PAPPA2: variants seen among roughly 807,000 people sequenced by gnomAD.
PAPPA2 encodes the protein pappalysin-2.
A neutral mutation model predicts 176.4 loss-of-function variants in PAPPA2; 86 were observed. The observed-to-expected ratio is 0.49, with a 90% confidence interval of 0.41 to 0.58. PAPPA2 has a LOEUF of 0.58. Among genes scored for constraint, PAPPA2 ranks in the 20% least tolerant of loss-of-function variants. The probability of loss-of-function intolerance (pLI) is 0.00; values close to 1 mark genes in which losing one functional copy is unlikely to be tolerated. For missense variants in PAPPA2, 2,073 were observed against 2,256.9 expected, an observed-to-expected ratio of 0.92 and a Z score of 1.65; for synonymous variants, 809 against 852.2, an observed-to-expected ratio of 0.95 and a Z score of 0.88.
At chr1:176,731,997 C>A (rs1029179805) in intron 12 of PAPPA2, among the ~76,000 whole-genome samples, 2 of 152,034 alleles carry the variant, frequency 1.3e-5, no homozygotes, top group Admixed American at 6.6e-5. Flanking sequence ...TTGGCTAAAT[C>A]TGGCAAAATA....
At chr1:176,503,746 T>C (rs955125096) in intron 1 of PAPPA2, among the ~76,000 whole-genome samples, 2 of 152,156 alleles carry the variant, frequency 1.3e-5, no homozygotes, top group African/African-American at 2.4e-5. Flanking sequence ...AGGCAGAGGA[T>C]TGGCTCTTGC....
At position 176,594,640 on chromosome 1, in the gene PAPPA2, C is replaced by T. The variant is rs542674982; in HGVS notation, c.1036C>T (p.Arg346Cys). The T allele has an allele frequency of 1.3e-5, 21 of 1,614,188 alleles. No individual in the cohort carries two copies. Among genetic ancestry groups the T allele is most frequent in the South Asian group, 2.2e-5 (2 of 91,074 alleles). Residue 346 changes from arginine (R) to cysteine (C), a missense_variant, in exon 3 of 23, where the codon CGC (arginine) becomes TGC (cysteine). Physicochemically the swap from Arg to Cys is radical, Grantham distance 180 (BLOSUM62 -3). This residue lies in a region of PAPPA2 where 1,196 missense variants were observed against 1,330.4 expected (regional missense o/e 0.90). Transcript: ENST00000367662. ...CTTCTTCTTCTCCCTCTGCACCGACCGCGTGAAGAAAGCCACCATCTTGAT... is the reference window on the plus strand; with the variant it reads ...CTTCTTCTTCTCCCTCTGCACCGACTGCGTGAAGAAAGCCACCATCTTGAT... ...ARFFFSLCTDRVKKATILISH... is the reference protein window; with the variant it reads ...ARFFFSLCTDCVKKATILISH...
intron 3 of PAPPA2, among the ~76,000 whole-genome samples, chr1:176,660,016 C>T (rs1246596675): frequency 6.6e-6 from 1 of 152,082 alleles, no homozygotes; most frequent in Non-Finnish European, 1.5e-5. Context: ...CCACCCCTGT[C>T]ATCTAGACTA....
chr1:176,584,378 C>CAA (rs1377149964), intron 2 of PAPPA2, among the ~76,000 whole-genome samples: 1 of 151,240 alleles, frequency 6.6e-6, no homozygotes, highest in Non-Finnish European at 1.5e-5. Context: ...ATTGATCCTG[C>CAA]TGTTATTATA....
chr1:176,668,380 G>A (rs1056955248), intron 3 of PAPPA2, among the ~76,000 whole-genome samples: 8 of 152,098 alleles, frequency 5.3e-5, no homozygotes, highest in Non-Finnish European at 1.0e-4. Flanking sequence ...CCCCTTTTGC[G>A]TTTCACTGCA....
chr1:176,610,877 C>T (rs764101573), intron 3 of PAPPA2, among the ~76,000 whole-genome samples: 11 of 152,072 alleles, frequency 7.2e-5, no homozygotes, highest in South Asian at 2.1e-4. Context: ...GTATCTACTA[C>T]GATTTAGACA....
intron 1 of PAPPA2, among the ~76,000 whole-genome samples, chr1:176,522,250 G>A (rs1482847305): frequency 1.3e-5 from 2 of 152,172 alleles, no homozygotes; most frequent in African/African-American, 4.8e-5. Flanking sequence ...ATTCAAACTT[G>A]TAGCAATATG....
intron 14 of PAPPA2, among the ~76,000 whole-genome samples, chr1:176,742,494 G>T (rs1662728764): frequency 6.6e-6 from 1 of 152,122 alleles, no homozygotes; most frequent in Non-Finnish European, 1.5e-5. Context: ...AGGAGAAATA[G>T]GATATGATTC....
At chr1:176,587,914 A>G (rs1653420783) in intron 2 of PAPPA2, among the ~76,000 whole-genome samples, 1 of 152,244 alleles carries the variant, frequency 6.6e-6, no homozygotes, top group Non-Finnish European at 1.5e-5. Context: ...TAAAAAAAGA[A>G]ATTTAAAATA....
intron 2 of PAPPA2, among the ~76,000 whole-genome samples, chr1:176,570,928 A>C (rs1480666119): frequency 6.6e-6 from 1 of 151,834 alleles, no homozygotes; most frequent in Admixed American, 6.6e-5. Flanking sequence ...GCCTCCCTAC[A>C]CTGCTGCTGT....
Position 176,556,457 on chromosome 1 carries a change from G to A in PAPPA2, c.135G>A (p.Leu45=). The A allele has an allele frequency of 6.2e-7, 1 of 1,614,218 alleles. No individual in the cohort carries two copies. The highest frequency in any genetic ancestry group is 8.5e-7 in the Non-Finnish European group (1 of 1,180,046). ...GGGAACACCTGAATCAGGTGCTGTT[G>A]GAAGGAGAACGTTGTTGGCTGGGGG... The part of the protein sequence containing the change: ...VEREHLNQVL[L]EGERCWLGAK... Residue 45 remains leucine, a synonymous_variant, in exon 2 of 23, where the codon TTG becomes TTA. Transcript: ENST00000367662.
chr1:176,493,026 G>T (rs904551547), intron 1 of PAPPA2, among the ~76,000 whole-genome samples: 2 of 151,944 alleles, frequency 1.3e-5, no homozygotes, highest in African/African-American at 2.4e-5. Flanking sequence ...AAAGAATGTT[G>T]GTCACAATCC....
chr1:176,720,080 G>A (rs150536142), intron 12 of PAPPA2, among the ~76,000 whole-genome samples: 9 of 152,266 alleles, frequency 5.9e-5, no homozygotes, highest in South Asian at 2.1e-4. Context: ...AATATGAATC[G>A]TGTTCTTGGG....
chr1:176,840,259 C>A lies in PAPPA2; in HGVS notation c.5289C>A (p.Leu1763=), dbSNP rs370489228. The A allele has an allele frequency of 3.1e-6, 5 of 1,612,218 alleles. No homozygotes were observed. Among genetic ancestry groups the A allele is most frequent in the Admixed American group, 3.3e-5 (2 of 59,982 alleles). The change falls in exon 22 of 23, where the codon CTC becomes CTA. Residue 1763 remains leucine, a synonymous_variant. Transcript: ENST00000367662. ...GGGGAGACTGCTGCTCTTCCACACTCTCCTCCAAGAAGGTGAGTGAGAGAA... is the reference window on the plus strand; with the variant it reads ...GGGGAGACTGCTGCTCTTCCACACTATCCTCCAAGAAGGTGAGTGAGAGAA... ...YDGGDCCSST[L]SSKKVIPFAA... is the part of the protein sequence containing the mutation.
In PAPPA2 at chr1:176,604,865, T is replaced by G. The variant is rs1442263355; in HGVS notation, c.1991+9270T>G. On this transcript the variant is annotated intron_variant, in intron 3 of 22. Coordinates refer to ENST00000367662, the MANE Select transcript of PAPPA2 (RefSeq NM_020318.3). ...TGACAATGTAGGGCAAGGGTTTTAG[T>G]AGAGTAAAAATTTACAGGCAGAGGA... Among the ~76,000 whole-genome samples, 3 of 152,200 alleles carry G rather than the reference T, an allele frequency of 2.0e-5. No homozygotes were observed. The East Asian group carries it at 5.8e-4, about 29-fold the overall frequency.
intron 1 of PAPPA2, among the ~76,000 whole-genome samples, chr1:176,464,864 A>G (rs1651541692): frequency 6.6e-6 from 1 of 152,258 alleles, no homozygotes; most frequent in Non-Finnish European, 1.5e-5. Context: ...AAGAAACTAT[A>G]AAACAATCCA....
At chr1:176,820,150 A>G (rs893164156) in intron 21 of PAPPA2, among the ~76,000 whole-genome samples, 1 of 152,178 alleles carries the variant, frequency 6.6e-6, no homozygotes, top group Admixed American at 6.5e-5. Flanking sequence ...CAAAACAAAA[A>G]AAAACAACAC....
intron 21 of PAPPA2, among the ~76,000 whole-genome samples, chr1:176,800,494 G>A (rs906663556): frequency 2.0e-5 from 3 of 152,150 alleles, no homozygotes; most frequent in African/African-American, 7.2e-5. Flanking sequence ...CCAGCACAAT[G>A]TCTAAAACCA....
intron 3 of PAPPA2, among the ~76,000 whole-genome samples, chr1:176,668,955 G>A (rs140924176): frequency 6.6e-6 from 1 of 152,086 alleles, no homozygotes; most frequent in African/African-American, 2.4e-5. Flanking sequence ...AGCTAATGAG[G>A]TTGGTGTGGA....
Sources: allele counts gnomAD v4.1 joint callset (sites outside exome capture counted in the v4.1 genomes callset), GRCh38; gene constraint gnomAD v4.1.1; regional missense constraint gnomAD v4.1.1; transcripts MANE v1.5; gene names NCBI Gene and HGNC (gene_info 2026-07-23, HGNC 2026-07-21).